CERS5: variants seen among roughly 807,000 people sequenced by gnomAD.
CERS5 encodes ceramide synthase 5, also known as LAG1 homolog, ceramide synthase 5.
A neutral mutation model predicts 58.9 loss-of-function variants in CERS5; 37 were observed. The ratio of observed to expected loss-of-function variants is 0.63; its 90% CI spans 0.48 to 0.83. The LOEUF is 0.83. CERS5 is among the 40% of genes least tolerant of loss of function. The pLI, the probability that CERS5 is intolerant of heterozygous loss-of-function variation, is 0.00. For missense variants in CERS5, 398 were observed against 489.3 expected, an observed-to-expected ratio of 0.81 and a Z score of 1.76; for synonymous variants, 147 against 177.8, an observed-to-expected ratio of 0.83 and a Z score of 1.38.
At chr12:50,139,467 AGT>A (rs1951850760) in intron 4 of CERS5, among the ~76,000 whole-genome samples, 1 of 152,154 alleles carries the variant, frequency 6.6e-6, no homozygotes, top group South Asian at 2.1e-4. Context: ...TGGGTGACAG[AGT>A]AAGACCCTGT....
intron 4 of CERS5, among the ~76,000 whole-genome samples, chr12:50,138,942 A>G (rs1951830180): frequency 6.6e-6 from 1 of 152,360 alleles, no homozygotes; most frequent in East Asian, 1.9e-4. Flanking sequence ...TGCCATGTTC[A>G]GAAGTCAAAA....
At chr12:50,138,692 C>G in intron 4 of CERS5, 75 bp from the exon 5 acceptor site, 1 of 1,321,978 alleles carries the variant, frequency 7.6e-7, no homozygotes, top group Non-Finnish European at 1.1e-6. Context: ...ATATAATCCC[C>G]TTCTCTCTAG....
At chr12:50,138,327 G>A (rs1592351933) in intron 5 of CERS5, among the ~76,000 whole-genome samples, 1 of 150,720 alleles carries the variant, frequency 6.6e-6, no homozygotes, top group Admixed American at 6.7e-5. Context: ...GGGAAAATCA[G>A]AACAAAAAAC....
intron 1 of CERS5, among the ~76,000 whole-genome samples, chr12:50,153,654 C>T (rs901420147): frequency 1.3e-5 from 2 of 152,028 alleles, no homozygotes; most frequent in Admixed American, 6.6e-5. Context: ...TACATGATGT[C>T]CATTCAAACT....
rs750122456 is a variant in CERS5 at position 50,143,169 on chromosome 12, C to T, written c.339G>A (p.Lys113=). The change falls in exon 3 of 10, where the codon AAG becomes AAA. Residue 113 remains lysine (K), a synonymous_variant. Transcript: ENST00000317551. ...TTTTTCGGACATTCCAATCCAGCTG[C>T]TTTGACAGGCCCTCCAGCCTTTTCT... ...PDKKRLEGLS[K]QLDWNVRKIQ... 6.2e-7 allele frequency: 1 copy of T among 1,614,130 alleles called. No homozygotes were observed. Among genetic ancestry groups the T allele is most frequent in the African/African-American group, 1.3e-5 (1 of 75,042 alleles).
At chr12:50,131,663 C>A (rs1451429713) in intron 9 of CERS5, among the ~76,000 whole-genome samples, 1 of 151,900 alleles carries the variant, frequency 6.6e-6, no homozygotes, top group Non-Finnish European at 1.5e-5. Context: ...GAAAAGAATC[C>A]CAGTTCTAAT....
chr12:50,130,711 C>CAAAG lies in CERS5; in HGVS notation c.1030-21_1030-18dup. 2 of 1,560,754 alleles carry CAAAG rather than the reference C, an allele frequency of 1.3e-6. No homozygotes were observed. The highest frequency in any genetic ancestry group is 2.3e-5 in the South Asian group (2 of 86,884). On this transcript the variant is annotated splice_polypyrimidine_tract_variant and intron_variant, in intron 9 of 9. Transcript: ENST00000317551. ...CTTCGATACCTGGGTGGGATGAGAC[C>CAAAG]AAAGACAGAAAAGTGAGGAAAGAAC...
At position 50,130,700 on chromosome 12, in the gene CERS5, T is replaced by C; in HGVS notation, c.1030-6A>G. ...CTGCGATCATCCTTCGATACCTGGG[T>C]GGGATGAGACCAAAGACAGAAAAGT... On this transcript the variant is annotated splice_polypyrimidine_tract_variant and splice_region_variant and intron_variant, in intron 9 of 9. Transcript: ENST00000317551. The C allele has an allele frequency of 1.3e-6, 2 of 1,577,142 alleles. No individual in the cohort carries two copies. Among genetic ancestry groups the C allele is most frequent in the Non-Finnish European group, 1.7e-6 (2 of 1,151,766 alleles).
chr12:50,139,452 C>T (rs948383638), intron 4 of CERS5, among the ~76,000 whole-genome samples: 2 of 152,020 alleles, frequency 1.3e-5, no homozygotes, highest in African/African-American at 4.8e-5. Flanking sequence ...AACTGCACTT[C>T]AGCCTGGGTG....
At chr12:50,143,911 G>T in intron 2 of CERS5, 41 bp downstream of exon 2, 2 of 1,228,454 alleles carry the variant, frequency 1.6e-6, no homozygotes, top group Non-Finnish European at 2.4e-6. Flanking sequence ...ATGGAGCAAC[G>T]CCTTATGTGA....
intron 1 of CERS5, among the ~76,000 whole-genome samples, chr12:50,163,835 G>T (rs1273538508): frequency 6.6e-6 from 1 of 151,730 alleles, no homozygotes; most frequent in Admixed American, 6.6e-5. Context: ...AAATTTTTTT[G>T]TAGAGACAAG....
intron 8 of CERS5, 70 bp from the exon 9 acceptor site, chr12:50,134,772 G>A: frequency 7.0e-7 from 1 of 1,428,328 alleles, no homozygotes. Context: ...GCTGAGTCCT[G>A]GGGATGCAGA....
intron 1 of CERS5, among the ~76,000 whole-genome samples, chr12:50,166,578 T>C (rs974497681): frequency 1.2e-4 from 18 of 152,218 alleles, no homozygotes; most frequent in African/African-American, 4.3e-4. Flanking sequence ...AACCAACTCT[T>C]AGGGCCAAAC....
chr12:50,151,933 G>A (rs984053226), intron 1 of CERS5, among the ~76,000 whole-genome samples: 6 of 152,150 alleles, frequency 3.9e-5, no homozygotes, highest in Admixed American at 2.0e-4. Flanking sequence ...GGCGTGAGTC[G>A]CCGTGCGCGG....
In CERS5 at chr12:50,152,926, C is replaced by T. The variant is rs907325494; in HGVS notation, c.198-8869G>A. ...CTCTACTAAAAATATAAATATTAGC[C>T]AGGCGTGGTGGCGGCCGCCTGTAAT... On this transcript the variant is annotated intron_variant, in intron 1 of 9. Coordinates refer to ENST00000317551, the MANE Select transcript of CERS5 (RefSeq NM_147190.5). 7.9e-5 allele frequency among the ~76,000 whole-genome samples: 12 copies of T among 151,806 alleles called. 1 individual carries two copies. Among genetic ancestry groups the T allele is most frequent in the Non-Finnish European group, 1.2e-4 (8 of 67,960 alleles).
At chr12:50,142,465 G>A (rs1017386138) in intron 3 of CERS5, among the ~76,000 whole-genome samples, 2 of 149,946 alleles carry the variant, frequency 1.3e-5, no homozygotes, top group African/African-American at 4.9e-5. Flanking sequence ...CAGGAGAATC[G>A]CTTGGACATG....
At chr12:50,131,500 A>C (rs913706307) in intron 9 of CERS5, among the ~76,000 whole-genome samples, 1 of 143,354 alleles carries the variant, frequency 7.0e-6, no homozygotes, top group Admixed American at 7.3e-5. Flanking sequence ...TGGAGGTTGC[A>C]GTGAGCTGAG....
intron 4 of CERS5, among the ~76,000 whole-genome samples, chr12:50,141,209 C>G (rs1267904183): frequency 6.6e-6 from 1 of 152,038 alleles, no homozygotes; most frequent in African/African-American, 2.4e-5. Context: ...CGCCACCACG[C>G]CAGGCTAATT....
intron 1 of CERS5, among the ~76,000 whole-genome samples, chr12:50,158,500 A>C (rs534728004): frequency 1.3e-5 from 2 of 152,342 alleles, no homozygotes; most frequent in South Asian, 4.1e-4. Flanking sequence ...TTGAAGAATG[A>C]ACAGATGAAC....
Sources: allele counts gnomAD v4.1 joint callset (sites outside exome capture counted in the v4.1 genomes callset), GRCh38; gene constraint gnomAD v4.1.1; transcripts MANE v1.5; gene names NCBI Gene and HGNC (gene_info 2026-07-23, HGNC 2026-07-21).